The following CPEB3 variants were observed in gnomAD, a reference collection of about 807,000 sequenced individuals.
CPEB3 encodes the protein cytoplasmic polyadenylation element binding protein 3.
A neutral mutation model predicts 67.2 loss-of-function variants in CPEB3; 20 were observed. The observed-to-expected ratio is 0.30, with a 90% CI of 0.21 to 0.43. The LOEUF (loss-of-function observed/expected upper bound fraction) is 0.43, where lower values mean the gene tolerates loss of function less well. CPEB3 is among the 20% of genes least tolerant of loss of function. CPEB3 has a pLI of 1.00. For missense variants in CPEB3, 746 were observed against 968.6 expected (o/e 0.77, Z 3.05); for synonymous variants, 376 against 393.1 (o/e 0.96, Z 0.51).
At chr10:92,264,858 A>C (rs2134934827) in intron 1 of CPEB3, among the ~76,000 whole-genome samples, 1 of 152,234 alleles carries the variant, frequency 6.6e-6, no homozygotes, top group East Asian at 1.9e-4. Context: ...TGCACAACAT[A>C]GACTCTTGTC....
intron 2 of CPEB3, among the ~76,000 whole-genome samples, chr10:92,216,138 A>T (rs1367809214): frequency 1.3e-5 from 2 of 150,532 alleles, no homozygotes; most frequent in Non-Finnish European, 3.0e-5. Flanking sequence ...AATCATTTAA[A>T]TATATATATA....
chr10:92,289,365 C>A (rs528251536), intron 1 of CPEB3, among the ~76,000 whole-genome samples: 1 of 151,968 alleles, frequency 6.6e-6, no homozygotes, highest in Admixed American at 6.6e-5. Flanking sequence ...TATAGTGAAA[C>A]CCCATCTCTA....
chr10:92,052,451 G>C lies in CPEB3; in HGVS notation c.1870-12C>G, dbSNP rs1470248696. On this transcript the variant is annotated splice_polypyrimidine_tract_variant and intron_variant, in intron 9 of 9. Coordinates refer to ENST00000265997, the MANE Select transcript of CPEB3 (RefSeq NM_014912.5). ...GGCTTTACTTCAACCTGGACCCAAA[G>C]AGGAAAGACAGAGAAAAATGATTTA... is the stretch of plus-strand genomic sequence containing the variant. 1 of 1,596,672 alleles carries C rather than the reference G, an allele frequency of 6.3e-7. No homozygotes were observed. Among genetic ancestry groups the C allele is most frequent in the South Asian group, 1.1e-5 (1 of 90,738 alleles).
At chr10:92,119,895 A>G (rs1182535049) in intron 6 of CPEB3, among the ~76,000 whole-genome samples, 1 of 151,916 alleles carries the variant, frequency 6.6e-6, no homozygotes, top group Non-Finnish European at 1.5e-5. Flanking sequence ...AAATTAAAAT[A>G]CTCATTAAAG....
chr10:92,054,887 G>A (rs1842054367), intron 9 of CPEB3, among the ~76,000 whole-genome samples: 1 of 152,206 alleles, frequency 6.6e-6, no homozygotes, highest in South Asian at 2.1e-4. Flanking sequence ...GAGGACCTAT[G>A]TAAAGTATAT....
In CPEB3 at chr10:92,206,317, CCCT is replaced by C. The variant is rs376307159; in HGVS notation, c.1006-13684_1006-13682del. ...CGAACTCCCAACCTCTGGTGATCCACCCTCCTCAGCCTCCCAAAGTGCTGGGAC... is the reference window on the plus strand; with the variant it reads ...CGAACTCCCAACCTCTGGTGATCCACCCTCAGCCTCCCAAAGTGCTGGGAC... On this transcript the variant is annotated intron_variant, in intron 2 of 9. Coordinates refer to ENST00000265997, the MANE Select transcript of CPEB3 (RefSeq NM_014912.5). Among the ~76,000 whole-genome samples, 172 of 152,278 alleles carry C rather than the reference CCCT, an allele frequency of 1.1e-3. 1 individual carries two copies. Among genetic ancestry groups the C allele is most frequent in the African/African-American group, 3.9e-3 (160 of 41,546 alleles).
intron 1 of CPEB3, among the ~76,000 whole-genome samples, chr10:92,288,303 A>T (rs1035457669): frequency 2.0e-5 from 3 of 152,038 alleles, no homozygotes; most frequent in African/African-American, 7.2e-5. Flanking sequence ...CTACAAAAAA[A>T]ATTTTTTTAA....
At chr10:92,199,227 A>G (rs1388333087) in intron 2 of CPEB3, among the ~76,000 whole-genome samples, 1 of 151,882 alleles carries the variant, frequency 6.6e-6, no homozygotes, top group East Asian at 1.9e-4. Context: ...CCTCATCTCT[A>G]CAAAAAATCC....
In CPEB3 at chr10:92,050,507, G is replaced by T. The variant is rs1841863264; in HGVS notation, c.*1705C>A. 1 of 152,584 alleles carries T rather than the reference G, an allele frequency of 6.6e-6. No homozygotes were observed. The highest frequency in any genetic ancestry group is 2.4e-5 in the African/African-American group (1 of 41,442). 9.5% of individuals were successfully genotyped at this position (152,584 alleles called of 1,614,324 possible). ...ATTAAAAAAAGATTTACATAGTCTT[G>T]CAATCATTGTGTGTGTTTATATATT... is the stretch of plus-strand genomic sequence containing the variant. On this transcript the variant is annotated 3_prime_UTR_variant, in exon 10 of 10. Transcript: ENST00000265997.
chr10:92,151,434 T>A (rs1040906723), intron 4 of CPEB3, among the ~76,000 whole-genome samples: 1 of 152,204 alleles, frequency 6.6e-6, no homozygotes, highest in East Asian at 1.9e-4. Flanking sequence ...GAAGTCAAGA[T>A]AGGTTCCAGC....
rs1183366940 is a variant in CPEB3 at position 92,047,657 on chromosome 10, T to C, written c.*4555A>G. Reference sequence around the variant, plus strand: ...CTGTTCCTAATCATTTATTTGTAGTTAATGTAAAATTCCAACCAGTAGTAC... The same window carrying C: ...CTGTTCCTAATCATTTATTTGTAGTCAATGTAAAATTCCAACCAGTAGTAC... On this transcript the variant is annotated 3_prime_UTR_variant, in exon 10 of 10. Transcript: ENST00000265997. The C allele has an allele frequency of 2.0e-5, 3 of 152,266 alleles. No homozygotes were observed. The highest frequency in any genetic ancestry group is 7.2e-5 in the African/African-American group (3 of 41,474). 9.4% of individuals were successfully genotyped at this position (152,266 alleles called of 1,614,324 possible). A position where few individuals can be genotyped will look rare whatever the true frequency, so the allele number is the denominator to read the frequency against.
At chr10:92,217,248 TAC>T (rs754423428) in intron 2 of CPEB3, among the ~76,000 whole-genome samples, 10,673 of 126,800 alleles carry the variant, frequency 0.084, 1,422 homozygotes, top group African/African-American at 0.27. Flanking sequence ...TATATATATA[TAC>T]ACACACACAC....
intron 6 of CPEB3, among the ~76,000 whole-genome samples, chr10:92,133,323 A>G (rs1845932966): frequency 6.6e-6 from 1 of 152,206 alleles, no homozygotes; most frequent in East Asian, 1.9e-4. Flanking sequence ...GCAATAAAAA[A>G]TGATAAAGGG....
intron 4 of CPEB3, among the ~76,000 whole-genome samples, chr10:92,145,554 G>A (rs543895377): frequency 1.1e-4 from 16 of 151,194 alleles, no homozygotes; most frequent in Non-Finnish European, 1.5e-5. Flanking sequence ...GCTTGAACCC[G>A]AACCCGGGAG....
intron 6 of CPEB3, among the ~76,000 whole-genome samples, chr10:92,122,267 G>C (rs1185532319): frequency 1.3e-5 from 2 of 152,224 alleles, no homozygotes; most frequent in Non-Finnish European, 2.9e-5. Context: ...CTTTTCCAGA[G>C]AGTAAAGGCA....
chr10:92,115,016 GCCTGGCAGCT>G (rs1844936652), intron 6 of CPEB3, among the ~76,000 whole-genome samples: 1 of 152,202 alleles, frequency 6.6e-6, no homozygotes, highest in South Asian at 2.1e-4. Flanking sequence ...CGGCAGAGCC[GCCTGGCAGCT>G]CCTCCTCTTC....
Position 92,119,046 on chromosome 10 carries a change from G to A in CPEB3, c.1454-7852C>T. 1.9e-6 allele frequency: 3 copies of A among 1,559,388 alleles called. No homozygotes were observed. The South Asian group carries it at 3.3e-5, about 17-fold the overall frequency. Reference sequence around the variant, plus strand: ...CCTCTCATGTATCATACCTGGAATGGGGTCTGACACTTGATGTGAGACCTA... The same window carrying A: ...CCTCTCATGTATCATACCTGGAATGAGGTCTGACACTTGATGTGAGACCTA... On this transcript the variant is annotated intron_variant, in intron 6 of 9. Coordinates refer to ENST00000265997, the MANE Select transcript of CPEB3 (RefSeq NM_014912.5).
intron 6 of CPEB3, among the ~76,000 whole-genome samples, chr10:92,134,031 G>A (rs1362041680): frequency 1.3e-5 from 2 of 152,078 alleles, no homozygotes; most frequent in East Asian, 3.8e-4. Flanking sequence ...AATAATAAGA[G>A]CTATTTACGA....
intron 4 of CPEB3, among the ~76,000 whole-genome samples, chr10:92,171,257 TTCTGA>T (rs1278755218): frequency 3.3e-5 from 5 of 152,184 alleles, no homozygotes; most frequent in African/African-American, 1.2e-4. Flanking sequence ...CACCTTCCTC[TTCTGA>T]TCTGGACTTG....
Sources: allele counts gnomAD v4.1 joint callset (sites outside exome capture counted in the v4.1 genomes callset), GRCh38; gene constraint gnomAD v4.1.1; transcripts MANE v1.5; gene names NCBI Gene and HGNC (gene_info 2026-07-23, HGNC 2026-07-21).